SLCO3A1: variants seen among roughly 807,000 people sequenced by gnomAD.
SLCO3A1 encodes solute carrier organic anion transporter family member 3A1.
In SLCO3A1, 27 loss-of-function variants were observed where a neutral mutation model predicts 63.1. The observed-to-expected ratio is 0.43, with a 90% CI of 0.32 to 0.59. SLCO3A1 has a LOEUF of 0.59. Ranked by LOEUF, SLCO3A1 falls within the 20% of genes least tolerant of loss-of-function variation. The probability of loss-of-function intolerance (pLI) is 0.09; values close to 1 mark genes in which losing one functional copy is unlikely to be tolerated. For synonymous variants in SLCO3A1, 473 were observed against 409.9 expected (o/e 1.15, Z -1.86); for missense variants, 773 against 945.8 (o/e 0.82, Z 2.40).
chr15:91,873,381 G>A (rs546921748), intron 1 of SLCO3A1, among the ~76,000 whole-genome samples: 8 of 152,024 alleles, frequency 5.3e-5, no homozygotes, highest in African/African-American at 1.9e-4. Context: ...ACATCTGTGG[G>A]GCAATTTTGC....
chr15:91,963,060 G>A (rs1046463540), intron 2 of SLCO3A1, among the ~76,000 whole-genome samples: 1 of 152,078 alleles, frequency 6.6e-6, no homozygotes, highest in African/African-American at 2.4e-5. Flanking sequence ...AATGGGTCCG[G>A]GTGCTGGGGG....
At chr15:92,170,589 C>T (rs190663081), downstream of SLCO3A1, among the ~76,000 whole-genome samples, 300 of 152,264 alleles carry the variant, frequency 2.0e-3, 2 homozygotes, top group African/African-American at 7.0e-3. Flanking sequence ...AGTTAGAACA[C>T]GGAACTAGCT....
intron 2 of SLCO3A1, among the ~76,000 whole-genome samples, chr15:92,028,163 C>T (rs1428206649): frequency 1.3e-5 from 2 of 152,158 alleles, no homozygotes; most frequent in Non-Finnish European, 2.9e-5. Flanking sequence ...GGGCAGCACA[C>T]AGTGGGGGAG....
intron 1 of SLCO3A1, among the ~76,000 whole-genome samples, chr15:91,884,248 G>A (rs1222716519): frequency 1.3e-5 from 2 of 152,112 alleles, no homozygotes; most frequent in Non-Finnish European, 2.9e-5. Flanking sequence ...AATGGCTTAC[G>A]CCTGTAATCC....
At chr15:91,926,607 A>ACACGCGCG (rs1899038366) in intron 2 of SLCO3A1, among the ~76,000 whole-genome samples, 1 of 135,582 alleles carries the variant, frequency 7.4e-6, no homozygotes, top group African/African-American at 3.0e-5. Flanking sequence ...GCGCGCGCGC[A>ACACGCGCG]CGCCCATGCT....
At position 91,882,894 on chromosome 15, in the gene SLCO3A1, A is replaced by G. The variant is rs924023313; in HGVS notation, c.180+28806A>G. On this transcript the variant is annotated intron_variant, in intron 1 of 9. Transcript: ENST00000318445. This position sits in a 1 kb window ranked among gnomAD's most constrained non-coding sequence, Gnocchi z 4.4. ...ATAACCTCATCAAGATTTCCTTGCA[A>G]TTAGGTATCACCTTGGTGTCCCAAA... Among the ~76,000 whole-genome samples the G allele has an allele frequency of 1.3e-3, 7 of 5,562 alleles. No homozygotes were observed. Among genetic ancestry groups the G allele is most frequent in the Non-Finnish European group, 1.8e-3 (6 of 3,318 alleles). 3.6% of individuals were successfully genotyped at this position (5,562 alleles called of 152,430 possible). A position where few individuals can be genotyped will look rare whatever the true frequency, so the allele number is the denominator to read the frequency against.
chr15:92,081,593 C>T (rs535337983), intron 2 of SLCO3A1, among the ~76,000 whole-genome samples: 86 of 152,288 alleles, frequency 5.6e-4, no homozygotes, highest in East Asian at 7.7e-4. Flanking sequence ...GTCCCGAACT[C>T]CTGACCTCAG....
intron 1 of SLCO3A1, among the ~76,000 whole-genome samples, chr15:91,903,244 T>G (rs889312740): frequency 6.6e-6 from 1 of 152,198 alleles, no homozygotes; most frequent in African/African-American, 2.4e-5. Flanking sequence ...GAGGAACAGA[T>G]GGCCTGGTGC....
At chr15:92,125,061 A>C (rs1567132756) in intron 5 of SLCO3A1, among the ~76,000 whole-genome samples, 1 of 152,206 alleles carries the variant, frequency 6.6e-6, no homozygotes, top group Admixed American at 6.5e-5. Context: ...ATGTCATTTT[A>C]AGTATGACTT....
At chr15:92,097,979 T>C (rs2047560331) in intron 3 of SLCO3A1, 1 of 152,232 alleles carries the variant, frequency 6.6e-6, no homozygotes, top group Non-Finnish European at 1.5e-5. Flanking sequence ...GGCTGTCCAA[T>C]GTATGGGAAC....
At chr15:92,053,680 T>TG (rs1567092360) in intron 2 of SLCO3A1, among the ~76,000 whole-genome samples, 3 of 46,880 alleles carry the variant, frequency 6.4e-5, no homozygotes, top group East Asian at 6.2e-4. Context: ...TGTTTTGTTT[T>TG]TTTGTTTGTT....
At chr15:92,114,864 C>T (rs1180123136) in intron 4 of SLCO3A1, among the ~76,000 whole-genome samples, 1 of 152,158 alleles carries the variant, frequency 6.6e-6, no homozygotes, top group African/African-American at 2.4e-5. Context: ...CCCTCACCTC[C>T]CAGCTCTGCA....
intron 1 of SLCO3A1, among the ~76,000 whole-genome samples, chr15:91,878,443 A>C (rs142249059): frequency 3.6e-3 from 541 of 152,260 alleles, no homozygotes; most frequent in Non-Finnish European, 5.2e-3. Context: ...GTAGTAGCCA[A>C]ATGCCATCAG....
intron 2 of SLCO3A1, among the ~76,000 whole-genome samples, chr15:91,974,892 A>T (rs1901039030): frequency 6.6e-6 from 1 of 152,172 alleles, no homozygotes; most frequent in African/African-American, 2.4e-5. Flanking sequence ...TGCTGGCACT[A>T]GATACCCTTT....
At chr15:91,959,945 T>A (rs572087920) in intron 2 of SLCO3A1, among the ~76,000 whole-genome samples, 1 of 152,078 alleles carries the variant, frequency 6.6e-6, no homozygotes, top group Non-Finnish European at 1.5e-5. Context: ...ATTTGCCCAT[T>A]CTTAACATTT....
In SLCO3A1 at chr15:91,886,127, A is replaced by G. The variant is rs191852112; in HGVS notation, c.181-29866A>G. ...GTCCATTTCCCTAGTACTCCTGCTT[A>G]CCTCTGCATTTTTGCCTTTGATTGT... On this transcript the variant is annotated intron_variant, in intron 1 of 9. Coordinates refer to ENST00000318445, the MANE Select transcript of SLCO3A1 (RefSeq NM_013272.4). The surrounding 1 kb of genome is among the most constrained non-coding windows in gnomAD (Gnocchi z 4.9). Among the ~76,000 whole-genome samples, 68 of 152,148 alleles carry G rather than the reference A, an allele frequency of 4.5e-4. No individual in the cohort carries two copies. Among genetic ancestry groups the G allele is most frequent in the Non-Finnish European group, 1.2e-4 (8 of 68,014 alleles).
chr15:92,080,970 G>GTGTC (rs1229087460), intron 2 of SLCO3A1, among the ~76,000 whole-genome samples: 2 of 138,250 alleles, frequency 1.4e-5, no homozygotes, highest in Non-Finnish European at 3.3e-5. Context: ...GTGTGTGTGT[G>GTGTC]TGTGTGTGTG....
intron 2 of SLCO3A1, among the ~76,000 whole-genome samples, chr15:91,981,188 C>T (rs773977422): frequency 2.4e-4 from 36 of 152,088 alleles, no homozygotes; most frequent in Admixed American, 5.2e-4. Context: ...CCTGGCCTTC[C>T]GGCTGCCATG....
At chr15:92,066,156 C>G (rs1383520838) in intron 2 of SLCO3A1, among the ~76,000 whole-genome samples, 1 of 152,182 alleles carries the variant, frequency 6.6e-6, no homozygotes, top group East Asian at 1.9e-4. Flanking sequence ...AAGCATTAAC[C>G]TGCTGCATCC....
Sources: gnomAD v4.1 joint callset for allele counts (sites outside exome capture counted in the v4.1 genomes callset) on GRCh38, gnomAD v4.1.1 for gene constraint, Gnocchi (gnomAD v3.1) non-coding constraint, MANE v1.5 for transcripts, NCBI Gene and HGNC (gene_info 2026-07-23, HGNC 2026-07-21) for gene names.